Variants in ABCC1 observed in about 807,000 individuals in gnomAD.
The protein encoded by ABCC1 is ATP binding cassette subfamily C member 1 (ABCC1 blood group).
Under a neutral mutation model 172.9 loss-of-function variants are expected in ABCC1, and 83 were observed. The ratio of observed to expected loss-of-function variants is 0.48; its 90% CI spans 0.40 to 0.58. ABCC1 has a LOEUF of 0.58. ABCC1 is among the 20% of genes least tolerant of loss of function. The probability of loss-of-function intolerance (pLI) is 0.00; values close to 1 mark genes in which losing one functional copy is unlikely to be tolerated. For synonymous variants in ABCC1, 937 were observed against 825.2 expected, an observed-to-expected ratio of 1.14 and a Z score of -2.32; for missense variants, 1,817 against 2,002.7, an observed-to-expected ratio of 0.91 and a Z score of 1.77.
intron 1 of ABCC1, among the ~76,000 whole-genome samples, chr16:15,962,324 C>G (rs532579140): frequency 3.3e-5 from 5 of 152,334 alleles, no homozygotes; most frequent in African/African-American, 9.6e-5. Context: ...TGTGTAAAAA[C>G]ATTACTGATA....
At chr16:15,990,355 A>G (rs1197441770) in intron 1 of ABCC1, among the ~76,000 whole-genome samples, 2 of 152,086 alleles carry the variant, frequency 1.3e-5, no homozygotes, top group African/African-American at 4.8e-5. Context: ...CCATCAGCAA[A>G]TTTTTAAGTA....
chr16:15,972,685 G>C (rs1287811510), intron 1 of ABCC1, among the ~76,000 whole-genome samples: 2 of 151,614 alleles, frequency 1.3e-5, no homozygotes. Flanking sequence ...AGGGAGGCAG[G>C]AAAAATGAGC....
chr16:16,139,264 G>A (rs1226901170), intron 30 of ABCC1, among the ~76,000 whole-genome samples: 1 of 152,158 alleles, frequency 6.6e-6, no homozygotes, highest in African/African-American at 2.4e-5. Context: ...TGTTTCCATT[G>A]AACACTGCAG....
In ABCC1 at chr16:16,052,607, A is replaced by G. The variant is rs45502195; in HGVS notation, c.1381-117A>G. 652 of 882,344 alleles carry G rather than the reference A, an allele frequency of 7.4e-4. 13 individuals carry two copies. In the East Asian group the frequency reaches 0.016, roughly 22 times the overall value. 54.7% of individuals were successfully genotyped at this position (882,344 alleles called of 1,614,324 possible). On this transcript the variant is annotated intron_variant, in intron 10 of 30. Coordinates refer to ENST00000399410, the MANE Select transcript of ABCC1 (RefSeq NM_004996.4). ...CCCTATTGTGGGGTAAAAGTAACACACCTTGCCCTGAACTTGGTCAGCAGC... is the reference window on the plus strand; with the variant it reads ...CCCTATTGTGGGGTAAAAGTAACACGCCTTGCCCTGAACTTGGTCAGCAGC...
At chr16:16,090,074 T>C (rs2051179168) in intron 18 of ABCC1, among the ~76,000 whole-genome samples, 1 of 152,168 alleles carries the variant, frequency 6.6e-6, no homozygotes, top group African/African-American at 2.4e-5. Context: ...TTTTGCTGTG[T>C]TTTTGCCATT....
chr16:15,980,875 A>G (rs574786080), intron 1 of ABCC1, among the ~76,000 whole-genome samples: 5 of 152,318 alleles, frequency 3.3e-5, no homozygotes, highest in Non-Finnish European at 7.4e-5. Context: ...CCTTCTGCCT[A>G]TTAGCCTGTA....
At chr16:16,038,214 G>C (rs899852363) in intron 7 of ABCC1, among the ~76,000 whole-genome samples, 3 of 152,102 alleles carry the variant, frequency 2.0e-5, no homozygotes, top group Non-Finnish European at 4.4e-5. Context: ...GAGGATGAGA[G>C]GGGATCTACT....
rs1478979722 is a variant in ABCC1 at position 16,114,887 on chromosome 16, C to T, written c.3201C>T (p.Thr1067=). The change falls in exon 23 of 31, where the codon ACC becomes ACT. Residue 1067 remains threonine (T), a synonymous_variant. Coordinates refer to ENST00000399410, the MANE Select transcript of ABCC1 (RefSeq NM_004996.4). The stretch of plus-strand genomic sequence containing the variant: ...CACCCATGAGCTTCTTTGAGCGGAC[C>T]CCCAGTGGGAACCTGGTGAACCGCT... ...LRSPMSFFER[T]PSGNLVNRFS... 4 of 1,613,910 alleles carry T rather than the reference C, an allele frequency of 2.5e-6. No individual in the cohort carries two copies. Among genetic ancestry groups the T allele is most frequent in the African/African-American group, 1.3e-5 (1 of 75,038 alleles).
At chr16:16,038,025 C>T (rs1030100109) in intron 7 of ABCC1, among the ~76,000 whole-genome samples, 1 of 145,876 alleles carries the variant, frequency 6.9e-6, no homozygotes, top group South Asian at 2.1e-4. Flanking sequence ...TACAGTTCTT[C>T]ATGGAGACAG....
At chr16:16,016,221 T>TC (rs1479140952) in intron 4 of ABCC1, among the ~76,000 whole-genome samples, 1 of 145,450 alleles carries the variant, frequency 6.9e-6, no homozygotes, top group Non-Finnish European at 1.5e-5. Context: ...TGGCGTGATC[T>TC]CGGCTCACTG....
chr16:16,062,166 A>AG (rs1452357224), intron 12 of ABCC1, among the ~76,000 whole-genome samples: 1 of 152,182 alleles, frequency 6.6e-6, no homozygotes, highest in Non-Finnish European at 1.5e-5. Context: ...TGTCCCGCTT[A>AG]GGAGGGGATG....
At chr16:15,950,765 T>C (rs2045852852) in intron 1 of ABCC1, among the ~76,000 whole-genome samples, 1 of 152,134 alleles carries the variant, frequency 6.6e-6, no homozygotes. Context: ...TTCTCTCTCC[T>C]CTTTTGTTTA....
intron 15 of ABCC1, among the ~76,000 whole-genome samples, chr16:16,078,014 T>G (rs1354098877): frequency 6.6e-6 from 1 of 152,062 alleles, no homozygotes; most frequent in Non-Finnish European, 1.5e-5. Flanking sequence ...AAAAATTAGC[T>G]GGATGTGGTG....
At chr16:16,102,481 C>T (rs1286651362) in intron 19 of ABCC1, 146 bp from the exon 20 acceptor site, 1 of 705,082 alleles carries the variant, frequency 1.4e-6, no homozygotes, top group East Asian at 2.7e-5. Context: ...TTCATGGCCT[C>T]TGCAGAGCAG....
At chr16:16,091,215 G>C (rs1018914505) in intron 19 of ABCC1, among the ~76,000 whole-genome samples, 1 of 151,970 alleles carries the variant, frequency 6.6e-6, no homozygotes, top group Non-Finnish European at 1.5e-5. Context: ...GATCGCTCCA[G>C]CTCAGGAGTT....
chr16:15,964,707 A>G (rs1332940124), intron 1 of ABCC1, among the ~76,000 whole-genome samples: 1 of 152,034 alleles, frequency 6.6e-6, no homozygotes, highest in East Asian at 1.9e-4. Flanking sequence ...TTGTAGAGAC[A>G]GGATCTCCCT....
At chr16:15,982,328 A>G (rs1412372321) in intron 1 of ABCC1, among the ~76,000 whole-genome samples, 1 of 152,070 alleles carries the variant, frequency 6.6e-6, no homozygotes, top group African/African-American at 2.4e-5. Flanking sequence ...GAAGAGATTT[A>G]GTTGGCCCAC....
Position 16,114,992 on chromosome 16 carries a change from T to C in ABCC1, c.3306T>C (p.Ile1102=), listed in dbSNP as rs1329987792. 1 of 1,614,070 alleles carries C rather than the reference T, an allele frequency of 6.2e-7. No individual in the cohort carries two copies. The highest frequency in any genetic ancestry group is 8.5e-7 in the Non-Finnish European group (1 of 1,180,038). Residue 1102 remains isoleucine, a synonymous_variant, in exon 23 of 31, where the codon ATT becomes ATC. Coordinates refer to ENST00000399410, the MANE Select transcript of ABCC1 (RefSeq NM_004996.4). The part of the protein sequence containing the change: ...KMFMGSLFNV[I]GACIVILLAT... ...TCATGGGCTCCCTGTTCAACGTCATTGGTGCCTGCATCGTTATCCTGCTGG... is the reference window on the plus strand; with the variant it reads ...TCATGGGCTCCCTGTTCAACGTCATCGGTGCCTGCATCGTTATCCTGCTGG...
intron 16 of ABCC1, among the ~76,000 whole-genome samples, chr16:16,080,179 G>A (rs748210321): frequency 6.6e-6 from 1 of 152,018 alleles, no homozygotes; most frequent in Non-Finnish European, 1.5e-5. Flanking sequence ...CTTCCCTTGC[G>A]TCTCTGCCTG....
Sources: allele counts gnomAD v4.1 joint callset (sites outside exome capture counted in the v4.1 genomes callset), GRCh38; gene constraint gnomAD v4.1.1; transcripts MANE v1.5; gene names NCBI Gene and HGNC (gene_info 2026-07-23, HGNC 2026-07-21).